The following SEMA5A variants were observed in gnomAD, a reference collection of about 807,000 sequenced individuals.
The protein encoded by SEMA5A is semaphorin-5A.
In SEMA5A, 55 loss-of-function variants were observed where a neutral mutation model predicts 135.5. The ratio of observed to expected loss-of-function variants is 0.41; its 90% CI spans 0.33 to 0.51. SEMA5A has a LOEUF of 0.51. Ranked by LOEUF, SEMA5A falls within the 20% of genes least tolerant of loss-of-function variation. The pLI is 0.37. For missense variants in SEMA5A, 1,290 were observed against 1,419.9 expected (o/e 0.91, Z 1.47); for synonymous variants, 580 against 546.5 (o/e 1.06, Z -0.85).
At chr5:9,068,136 A>G (rs1419555873) in intron 16 of SEMA5A, among the ~76,000 whole-genome samples, 1 of 152,094 alleles carries the variant, frequency 6.6e-6, no homozygotes, top group Non-Finnish European at 1.5e-5. Flanking sequence ...TAATTGCTGA[A>G]TTCCCTTTGC....
At chr5:9,075,326 T>C (rs1239075304) in intron 16 of SEMA5A, among the ~76,000 whole-genome samples, 1 of 152,144 alleles carries the variant, frequency 6.6e-6, no homozygotes, top group Non-Finnish European at 1.5e-5. Context: ...TTCCTCTATA[T>C]TTACCCAAGA....
chr5:9,451,123 G>A (rs1194207439), intron 1 of SEMA5A, among the ~76,000 whole-genome samples: 4 of 152,148 alleles, frequency 2.6e-5, no homozygotes, highest in Non-Finnish European at 5.9e-5. Context: ...TCAACTAAGA[G>A]GCTGTTGTCG....
At chr5:9,477,022 C>A (rs183492138) in intron 1 of SEMA5A, among the ~76,000 whole-genome samples, 2 of 152,054 alleles carry the variant, frequency 1.3e-5, no homozygotes, top group Non-Finnish European at 2.9e-5. Context: ...GAGGGAGGAA[C>A]CTGGTAGGAG....
rs141957168 is a variant in SEMA5A at position 9,341,516 on chromosome 5, A to G, written c.125-3704T>C. ...ACAGCAAGTGGTGAATTGAGGGGAT[A>G]CAATTTTCAATAACATTAAGATGCT... On this transcript the variant is annotated intron_variant, in intron 3 of 22. Transcript: ENST00000382496. Among the ~76,000 whole-genome samples the G allele has an allele frequency of 1.4e-3, 220 of 151,964 alleles. 1 individual carries two copies. Among genetic ancestry groups the G allele is most frequent in the African/African-American group, 5.2e-3 (215 of 41,442 alleles).
At chr5:9,298,866 GAAATACCATTATCACAGCATTTCAGTAA>G in intron 5 of SEMA5A, among the ~76,000 whole-genome samples, 1 of 152,244 alleles carries the variant, frequency 6.6e-6, no homozygotes, top group Non-Finnish European at 1.5e-5. Flanking sequence ...ATAAGATTTT[GAAATACCATTATCACAGCATTTCAGTAA>G]TGAACTCTCA....
chr5:9,371,919 T>C (rs940479985), intron 3 of SEMA5A, among the ~76,000 whole-genome samples: 2 of 152,250 alleles, frequency 1.3e-5, no homozygotes, highest in African/African-American at 4.8e-5. Flanking sequence ...TTCCTATATG[T>C]TAATCAGATT....
intron 1 of SEMA5A, among the ~76,000 whole-genome samples, chr5:9,499,118 G>A (rs561012548): frequency 6.6e-6 from 1 of 152,288 alleles, no homozygotes; most frequent in Admixed American, 6.5e-5. Context: ...GGTGCCACCT[G>A]GTGGAACAAG....
At chr5:9,078,928 T>C (rs1274637050) in intron 16 of SEMA5A, among the ~76,000 whole-genome samples, 1 of 152,126 alleles carries the variant, frequency 6.6e-6, no homozygotes, top group Non-Finnish European at 1.5e-5. Flanking sequence ...TAGTCTATGA[T>C]AAGTTAATAT....
chr5:9,339,251 G>T (rs115903111), intron 3 of SEMA5A, among the ~76,000 whole-genome samples: 1,539 of 152,230 alleles, frequency 0.01, 31 homozygotes, highest in African/African-American at 0.035. Context: ...GGGCTTGTGG[G>T]GTTACAGGAA....
At chr5:9,245,924 C>T (rs1805998) in intron 5 of SEMA5A, among the ~76,000 whole-genome samples, 3,127 of 152,116 alleles carry the variant, frequency 0.021, 124 homozygotes, top group African/African-American at 0.071. Flanking sequence ...AAGATGAGTT[C>T]CAATGACCCT....
At chr5:9,143,395 C>T (rs1385500753) in intron 12 of SEMA5A, among the ~76,000 whole-genome samples, 6 of 151,938 alleles carry the variant, frequency 3.9e-5, no homozygotes, top group African/African-American at 7.3e-5. Flanking sequence ...TAAAACTACT[C>T]GGCTTAACAT....
chr5:9,298,513 G>A (rs1462919331), intron 5 of SEMA5A, among the ~76,000 whole-genome samples: 1 of 152,162 alleles, frequency 6.6e-6, no homozygotes, highest in Non-Finnish European at 1.5e-5. Context: ...CACATGCGTA[G>A]AACAGAAGTA....
chr5:9,152,888 A>T (rs1257505090), intron 12 of SEMA5A, among the ~76,000 whole-genome samples: 1 of 152,150 alleles, frequency 6.6e-6, no homozygotes, highest in African/African-American at 2.4e-5. Flanking sequence ...CCTGGCCAAC[A>T]TGGTGAAACC....
intron 9 of SEMA5A, among the ~76,000 whole-genome samples, chr5:9,201,149 G>T (rs575517364): frequency 6.6e-6 from 1 of 152,192 alleles, no homozygotes; most frequent in Non-Finnish European, 1.5e-5. Context: ...CAGCAGCACA[G>T]CCAGTGTGTA....
chr5:9,332,418 T>C (rs2150706227), intron 4 of SEMA5A, among the ~76,000 whole-genome samples: 1 of 146,554 alleles, frequency 6.8e-6, no homozygotes, highest in South Asian at 2.2e-4. Context: ...TATGTGAGGC[T>C]TGCAGCTTTA....
chr5:9,366,723 T>C (rs1273486274), intron 3 of SEMA5A, among the ~76,000 whole-genome samples: 1 of 152,190 alleles, frequency 6.6e-6, no homozygotes, highest in Non-Finnish European at 1.5e-5. Context: ...TGTTTGAGGA[T>C]GAAGAAAGGA....
At chr5:9,191,479 A>C (rs182000276) in intron 10 of SEMA5A, among the ~76,000 whole-genome samples, 1 of 152,346 alleles carries the variant, frequency 6.6e-6, no homozygotes, top group East Asian at 1.9e-4. Context: ...ACTGATCCCC[A>C]GTAGAACTTC....
chr5:9,105,230 GT>G (rs1739849110), intron 16 of SEMA5A, among the ~76,000 whole-genome samples: 3 of 152,190 alleles, frequency 2.0e-5, no homozygotes, highest in Admixed American at 1.3e-4. Context: ...CTTGGCAAGG[GT>G]CCTTCACTGC....
chr5:9,134,202 G>A (rs944141028), intron 13 of SEMA5A, among the ~76,000 whole-genome samples: 3 of 152,274 alleles, frequency 2.0e-5, no homozygotes, highest in African/African-American at 7.2e-5. Flanking sequence ...ACTAATACAA[G>A]TGGCATGATC....
Sources: gnomAD v4.1 joint callset for allele counts (sites outside exome capture counted in the v4.1 genomes callset) on GRCh38, gnomAD v4.1.1 for gene constraint, MANE v1.5 for transcripts, NCBI Gene and HGNC (gene_info 2026-07-23, HGNC 2026-07-21) for gene names.